The following IPO8 variants were observed in gnomAD, a reference collection of about 807,000 sequenced individuals.
The protein encoded by IPO8 is importin 8.
In IPO8, 65 loss-of-function variants were observed where a neutral mutation model predicts 141.2. That is an observed-to-expected ratio of 0.46 (90% confidence interval 0.38 to 0.57). The LOEUF is 0.57. Among genes scored for constraint, IPO8 ranks in the 20% least tolerant of loss-of-function variants. The probability of loss-of-function intolerance (pLI) is 0.00; values close to 1 mark genes in which losing one functional copy is unlikely to be tolerated. For missense variants in IPO8, 980 were observed against 1,246.8 expected (o/e 0.79, Z 3.22); for synonymous variants, 411 against 420.3 (o/e 0.98, Z 0.27).
chr12:30,687,198 C>G (rs1183441311), intron 2 of IPO8, among the ~76,000 whole-genome samples: 1 of 152,014 alleles, frequency 6.6e-6, no homozygotes, highest in Non-Finnish European at 1.5e-5. Flanking sequence ...TTAGAGCATC[C>G]TTGTATTTTA....
At chr12:30,654,949 T>G (rs1591829707) in intron 17 of IPO8, among the ~76,000 whole-genome samples, 1 of 151,976 alleles carries the variant, frequency 6.6e-6, no homozygotes, top group African/African-American at 2.4e-5. Context: ...TGAAAATACC[T>G]AAGTGTCCAC....
intron 12 of IPO8, 134 bp downstream of exon 12, chr12:30,665,594 AC>A: frequency 1.6e-6 from 1 of 641,338 alleles, no homozygotes; most frequent in Non-Finnish European, 2.7e-6. Flanking sequence ...GAAATAGATG[AC>A]AGAAAGGAGG....
chr12:30,637,124 A>C lies in IPO8; in HGVS notation c.2553T>G (p.Pro851=). The change falls in exon 22 of 25, where the codon CCT becomes CCG. Residue 851 remains proline, a synonymous_variant. Coordinates refer to ENST00000256079, the MANE Select transcript of IPO8 (RefSeq NM_006390.4). ...GTCCCACCACAGCATCTACTGCAGG[A>C]GGTCGATTTTGCAATTCCAAAAGGA... is the stretch of plus-strand genomic sequence containing the variant. ...LSILLELQNR[P]PAVDAVVGQI... 4 of 1,614,006 alleles carry C rather than the reference A, an allele frequency of 2.5e-6. No homozygotes were observed. Among genetic ancestry groups the C allele is most frequent in the Non-Finnish European group, 3.4e-6 (4 of 1,179,954 alleles).
chr12:30,644,654 T>G (rs201734166), intron 20 of IPO8, among the ~76,000 whole-genome samples: 3 of 132,080 alleles, frequency 2.3e-5, no homozygotes, highest in Non-Finnish European at 5.1e-5. Context: ...TTTTTTTTTG[T>G]TTTTTTTTTT....
At position 30,639,561 on chromosome 12, in the gene IPO8, C is replaced by G. The variant is rs373797969; in HGVS notation, c.2443G>C (p.Val815Leu). 2 of 1,613,722 alleles carry G rather than the reference C, an allele frequency of 1.2e-6. No individual in the cohort carries two copies. The highest frequency in any genetic ancestry group is 1.7e-6 in the Non-Finnish European group (2 of 1,179,770). Residue 815 changes from valine (V) to leucine (L), a missense_variant, in exon 21 of 25, where the codon GTA (valine) becomes CTA (leucine). Physicochemically the swap from Val to Leu is conservative, Grantham distance 32. Transcript: ENST00000256079. Reference sequence around the variant, plus strand: ...TTCATCCATTGATTTATAAACTGTACAGTGATAGGTCCAGGGTTGTGAGGC... The same window carrying G: ...TTCATCCATTGATTTATAAACTGTAGAGTGATAGGTCCAGGGTTGTGAGGC... The part of the protein sequence containing the change: ...QLPHNPGPIT[V>L]QFINQWMNDT...
chr12:30,687,072 T>C (rs1362812157), intron 2 of IPO8, among the ~76,000 whole-genome samples: 2 of 152,148 alleles, frequency 1.3e-5, no homozygotes, highest in Non-Finnish European at 2.9e-5. Context: ...CCTTTAATCA[T>C]TTAATTCAAG....
intron 20 of IPO8, among the ~76,000 whole-genome samples, chr12:30,642,495 A>G (rs1410093318): frequency 6.6e-6 from 1 of 152,110 alleles, no homozygotes; most frequent in Non-Finnish European, 1.5e-5. Flanking sequence ...GCCAAACAAC[A>G]TATTTCTTGG....
In IPO8 at chr12:30,695,621, C is replaced by T. The variant is rs757075798; in HGVS notation, c.27G>A (p.Ala9=). MDLNRIIQ[A]LKGTIDPKLR... ...ACTTCGGGTCGATGGTGCCCTTCAG[C>T]GCCTGGATGATCCGGTTGAGGTCCA... Residue 9 remains alanine, a synonymous_variant, in exon 1 of 25, where the codon GCG becomes GCA. Transcript: ENST00000256079. The surrounding 1 kb of genome is among the most constrained non-coding windows in gnomAD (Gnocchi z 4.2). 9.3e-6 allele frequency: 15 copies of T among 1,614,006 alleles called. No individual in the cohort carries two copies. The highest frequency in any genetic ancestry group is 8.0e-5 in the African/African-American group (6 of 74,930).
At chr12:30,668,162 A>G (rs1327724530) in intron 10 of IPO8, among the ~76,000 whole-genome samples, 2 of 152,222 alleles carry the variant, frequency 1.3e-5, no homozygotes, top group African/African-American at 4.8e-5. Flanking sequence ...ACATATGAAT[A>G]ATGATTTTCA....
At position 30,683,433 on chromosome 12, in the gene IPO8, A is replaced by C. The variant is rs912464977; in HGVS notation, c.323+868T>G. ...GGCTAACGTTATATTCAACCTCTTG[A>C]TATTAAAAAATTTCATTCCTCTACC... is the stretch of plus-strand genomic sequence containing the variant. On this transcript the variant is annotated intron_variant, in intron 3 of 24. Transcript: ENST00000256079. Among the ~76,000 whole-genome samples the C allele has an allele frequency of 3.9e-5, 6 of 152,262 alleles. No homozygotes were observed. The East Asian group carries it at 1.2e-3, about 29-fold the overall frequency.
intron 5 of IPO8, among the ~76,000 whole-genome samples, chr12:30,679,871 T>G (rs2053166568): frequency 1.3e-5 from 2 of 152,196 alleles, no homozygotes; most frequent in Admixed American, 1.3e-4. Flanking sequence ...CCTAAATAAT[T>G]TACCCAAATC....
Position 30,630,724 on chromosome 12 carries a change from G to A in IPO8, c.*136C>T. ...CAAAGGGGAAAGAGTAGATAAAAGT[G>A]CTGCCTAATGCCAGATGGTAACTGG... On this transcript the variant is annotated 3_prime_UTR_variant, in exon 25 of 25. Coordinates refer to ENST00000256079, the MANE Select transcript of IPO8 (RefSeq NM_006390.4). 1.5e-6 allele frequency: 1 copy of A among 650,298 alleles called. No individual in the cohort carries two copies. Among genetic ancestry groups the A allele is most frequent in the Non-Finnish European group, 2.7e-6 (1 of 366,666 alleles). The allele number at this position is 650,298 out of a possible 1,614,324, so 40.3% of individuals were successfully genotyped here.
intron 17 of IPO8, among the ~76,000 whole-genome samples, chr12:30,655,841 G>A (rs1442586198): frequency 6.6e-6 from 1 of 152,174 alleles, no homozygotes; most frequent in Non-Finnish European, 1.5e-5. Flanking sequence ...ATCAGAGACA[G>A]GCTTTTCCTG....
At chr12:30,683,490 C>G (rs1591844559) in intron 3 of IPO8, among the ~76,000 whole-genome samples, 1 of 152,092 alleles carries the variant, frequency 6.6e-6, no homozygotes, top group Non-Finnish European at 1.5e-5. Flanking sequence ...CTCCCATTTT[C>G]AAAAGATACC....
chr12:30,677,324 G>A (rs969944680), intron 5 of IPO8: 2 of 351,804 alleles, frequency 5.7e-6, no homozygotes, highest in East Asian at 7.4e-5. Context: ...ACAGCACAAT[G>A]CATTACTCAA....
At chr12:30,637,617 G>A (rs2052520754) in intron 21 of IPO8, among the ~76,000 whole-genome samples, 1 of 152,086 alleles carries the variant, frequency 6.6e-6, no homozygotes, top group South Asian at 2.1e-4. Flanking sequence ...CAAACCCTAA[G>A]AGGTGAAAGA....
chr12:30,669,998 T>A (rs1018500553), intron 9 of IPO8, among the ~76,000 whole-genome samples: 1 of 152,210 alleles, frequency 6.6e-6, no homozygotes, highest in African/African-American at 2.4e-5. Context: ...AGCCTAAGGA[T>A]CAGCGTTTTC....
chr12:30,663,431 A>G (rs1471422589), intron 14 of IPO8, 58 bp downstream of exon 14: 2 of 1,445,434 alleles, frequency 1.4e-6, no homozygotes, highest in Non-Finnish European at 1.9e-6. Flanking sequence ...CATCTTCATT[A>G]GGGAAGAAAG....
At chr12:30,676,993 A>C in intron 5 of IPO8, 2 of 1,528,236 alleles carry the variant, frequency 1.3e-6, no homozygotes, top group Admixed American at 3.9e-5. Context: ...TTTCCTCTAC[A>C]CTGTAGCATA....
Sources: gnomAD v4.1 joint callset for allele counts (sites outside exome capture counted in the v4.1 genomes callset) on GRCh38, gnomAD v4.1.1 for gene constraint, Gnocchi (gnomAD v3.1) non-coding constraint, MANE v1.5 for transcripts, NCBI Gene and HGNC (gene_info 2026-07-23, HGNC 2026-07-21) for gene names.